ZFR2: variants seen among roughly 807,000 people sequenced by gnomAD.
ZFR2 encodes the protein zinc finger RNA binding protein 2.
A neutral mutation model predicts 105.7 loss-of-function variants in ZFR2; 104 were observed. The ratio of observed to expected loss-of-function variants is 0.98; its 90% CI spans 0.84 to 1.16. ZFR2 has a LOEUF of 1.16. Ranked by LOEUF, ZFR2 falls within the 50% of genes most tolerant of loss-of-function variation. The pLI is 0.00. For synonymous variants in ZFR2, 634 were observed against 597.7 expected (o/e 1.06, Z -0.89); for missense variants, 1,425 against 1,355.5 (o/e 1.05, Z -0.80).
At chr19:3,859,128 C>T (rs1449242650) in intron 1 of ZFR2, among the ~76,000 whole-genome samples, 3 of 152,262 alleles carry the variant, frequency 2.0e-5, no homozygotes, top group South Asian at 2.1e-4. Flanking sequence ...GCTGCCAGCT[C>T]GGCCAGGATA....
chr19:3,811,180 G>T, intron 15 of ZFR2, 92 bp downstream of exon 15: 1 of 1,283,906 alleles, frequency 7.8e-7, no homozygotes, highest in Non-Finnish European at 1.0e-6. Context: ...AGCCCACGGG[G>T]CTGAGGCGGC....
At chr19:3,832,965 C>T (rs2038035390) in intron 3 of ZFR2, among the ~76,000 whole-genome samples, 1 of 148,744 alleles carries the variant, frequency 6.7e-6, no homozygotes, top group African/African-American at 2.5e-5. Context: ...ATGTAACTTT[C>T]ACGGGGTGCA....
At chr19:3,810,902 G>T in intron 15 of ZFR2, 57 bp from the exon 16 acceptor site, 1 of 1,530,940 alleles carries the variant, frequency 6.5e-7, no homozygotes, top group Non-Finnish European at 8.8e-7. Flanking sequence ...ACACGGCATG[G>T]CGCCGGGCTC....
intron 13 of ZFR2, among the ~76,000 whole-genome samples, chr19:3,815,382 G>T (rs925617148): frequency 6.6e-6 from 1 of 152,192 alleles, no homozygotes; most frequent in South Asian, 2.1e-4. Context: ...GAGCCACCAC[G>T]CCAGGCCCGA....
chr19:3,860,197 A>ATT (rs113571842), intron 1 of ZFR2, among the ~76,000 whole-genome samples: 30 of 134,954 alleles, frequency 2.2e-4, no homozygotes, highest in Non-Finnish European at 3.3e-4. Flanking sequence ...TGCCTGGCTA[A>ATT]TTTTTTTTTT....
Position 3,806,043 on chromosome 19 carries a change from G to T in ZFR2, c.2726C>A (p.Ala909Asp), listed in dbSNP as rs1403287662. 6.5e-7 allele frequency: 1 copy of T among 1,537,820 alleles called. No homozygotes were observed. The change falls in exon 19 of 19, where the codon GCC becomes GAC. Residue 909 changes from alanine (A) to aspartate (D), a missense_variant. Coordinates refer to ENST00000262961, the MANE Select transcript of ZFR2 (RefSeq NM_015174.2). ...TCCCCGTTGCCTCTTCCGGAAGCGG[G>T]CCCCCAGCCGGTGTCTGGGCGGCAG... The part of the protein sequence containing the change: ...DLLPPRHRLG[A>D]RFRKRQRGPG...
intron 1 of ZFR2, chr19:3,855,366 G>A (rs1415803239): frequency 2.0e-5 from 25 of 1,231,546 alleles, no homozygotes; most frequent in Middle Eastern, 6.2e-4. Context: ...TGCTTTTGCG[G>A]GTTGCACTAT....
At chr19:3,820,152 G>C (rs376924379) in intron 11 of ZFR2, 30 bp downstream of exon 11, 10 of 1,547,734 alleles carry the variant, frequency 6.5e-6, no homozygotes, top group Non-Finnish European at 8.7e-6. Context: ...GAGGTCGCCC[G>C]CGTTTGCACA....
At chr19:3,818,981 T>A (rs1273263300) in intron 12 of ZFR2, 64 bp downstream of exon 12, 1 of 1,553,818 alleles carries the variant, frequency 6.4e-7, no homozygotes, top group Non-Finnish European at 8.7e-7. Flanking sequence ...CAGGGTCTCG[T>A]CCCGAGGAGC....
At chr19:3,863,789 G>C (rs2038399648) in intron 1 of ZFR2, among the ~76,000 whole-genome samples, 1 of 152,176 alleles carries the variant, frequency 6.6e-6, no homozygotes, top group African/African-American at 2.4e-5. Context: ...AGCCCTGACT[G>C]TGAGTGAGGC....
intron 10 of ZFR2, among the ~76,000 whole-genome samples, chr19:3,820,788 G>A (rs1199195582): frequency 6.7e-6 from 1 of 150,126 alleles, no homozygotes; most frequent in Non-Finnish European, 1.5e-5. Context: ...CCAGGGGTCA[G>A]GGGGACTCCA....
In ZFR2 at chr19:3,819,679, C is replaced by T. The variant is rs192119922; in HGVS notation, c.1741-444G>A. Among the ~76,000 whole-genome samples the T allele has an allele frequency of 1.3e-3, 202 of 152,212 alleles. 3 individuals are homozygous for T. The highest frequency in any genetic ancestry group is 4.7e-3 in the African/African-American group (195 of 41,532). ...GGCCAGCCTGGCCAACATGGTGAAACCCTGCCTCTACTAAAAACACAAGAG... is the reference window on the plus strand; with the variant it reads ...GGCCAGCCTGGCCAACATGGTGAAATCCTGCCTCTACTAAAAACACAAGAG... On this transcript the variant is annotated intron_variant, in intron 11 of 18. Transcript: ENST00000262961.
At chr19:3,806,653 G>GC (rs199766840) in intron 18 of ZFR2, among the ~76,000 whole-genome samples, 2,464 of 152,156 alleles carry the variant, frequency 0.016, 73 homozygotes, top group African/African-American at 0.055. Flanking sequence ...GTCCCAGGAG[G>GC]CCCCCCCGCT....
chr19:3,862,991 G>A lies in ZFR2; in HGVS notation c.53+5974C>T, dbSNP rs1005298211. Among the ~76,000 whole-genome samples the A allele has an allele frequency of 2.4e-4, 37 of 152,214 alleles. 1 individual carries two copies. ...ACTTTCCTGGGGCTTTTTGGACCTG[G>A]TGGTAGGAGTCCATTTACAGGTATG... On this transcript the variant is annotated intron_variant, in intron 1 of 18. Coordinates refer to ENST00000262961, the MANE Select transcript of ZFR2 (RefSeq NM_015174.2).
intron 9 of ZFR2, among the ~76,000 whole-genome samples, 193 bp downstream of exon 9, chr19:3,821,888 C>A (rs948751200): frequency 6.6e-6 from 1 of 152,140 alleles, no homozygotes; most frequent in Non-Finnish European, 1.5e-5. Context: ...GGATGATAGA[C>A]GTGAGACACC....
intron 1 of ZFR2, among the ~76,000 whole-genome samples, chr19:3,849,188 G>T (rs2038212054): frequency 6.6e-6 from 1 of 151,756 alleles, no homozygotes; most frequent in South Asian, 2.1e-4. Context: ...GGCTGTGGGG[G>T]CAAGTGAACC....
intron 1 of ZFR2, among the ~76,000 whole-genome samples, chr19:3,867,784 C>A (rs2038449319): frequency 6.6e-6 from 1 of 152,030 alleles, no homozygotes; most frequent in South Asian, 2.1e-4. Flanking sequence ...CAGTTCCCCA[C>A]CAACCTCGGT....
chr19:3,825,322 G>A lies in ZFR2; in HGVS notation c.1121C>T (p.Ala374Val). 1 of 1,585,088 alleles carries A rather than the reference G, an allele frequency of 6.3e-7. No individual in the cohort carries two copies. Among genetic ancestry groups the A allele is most frequent in the Non-Finnish European group, 8.5e-7 (1 of 1,170,224 alleles). The stretch of plus-strand genomic sequence containing the variant: ...GGGGCCAGTGGGGGACGTGGGCTTG[G>A]CCTCTGCCCCGGGGGGGCTCTCTGT... ...LATESPPGAEAKPTSPTGPSV... is the reference protein window; with the variant it reads ...LATESPPGAEVKPTSPTGPSV... Residue 374 changes from alanine to valine, a missense_variant, in exon 7 of 19, where the codon GCC (alanine) becomes GTC (valine). Transcript: ENST00000262961.
Position 3,813,959 on chromosome 19 carries a change from C to T in ZFR2, c.2104-1G>A. ...CCTCATACTCATCCTCGGTCACCAT[C>T]TGGGAGGGGTAAATACAACACAAGG... On this transcript the variant is annotated splice_acceptor_variant, in intron 13 of 18. Transcript: ENST00000262961. LOFTEE classifies it high-confidence loss of function. The surrounding 1 kb of genome is among the most constrained non-coding windows in gnomAD (Gnocchi z 4.4). 1 of 1,613,824 alleles carries T rather than the reference C, an allele frequency of 6.2e-7. No individual in the cohort carries two copies. Among genetic ancestry groups the T allele is most frequent in the East Asian group, 2.2e-5 (1 of 44,882 alleles).
Sources: gnomAD v4.1 joint callset for allele counts (sites outside exome capture counted in the v4.1 genomes callset) on GRCh38, gnomAD v4.1.1 for gene constraint, Gnocchi (gnomAD v3.1) non-coding constraint, MANE v1.5 for transcripts, NCBI Gene and HGNC (gene_info 2026-07-23, HGNC 2026-07-21) for gene names.